IRAG1: variants seen among roughly 807,000 people sequenced by gnomAD.
IRAG1 encodes the protein inositol 1,4,5-triphosphate receptor associated 1.
IRAG1 carries 62 observed loss-of-function variants against 106.2 expected under a neutral mutation model. That is an observed-to-expected ratio of 0.58 (90% CI 0.48 to 0.72). The LOEUF (loss-of-function observed/expected upper bound fraction) is 0.72, where lower values mean the gene tolerates loss of function less well. Among genes scored for constraint, IRAG1 ranks in the 30% least tolerant of loss-of-function variants. The pLI, the probability that IRAG1 is intolerant of heterozygous loss-of-function variation, is 0.00. For missense variants in IRAG1, 1,064 were observed against 1,140.7 expected (o/e 0.93, Z 0.97); for synonymous variants, 462 against 443.9 (o/e 1.04, Z -0.51).
intron 1 of IRAG1, among the ~76,000 whole-genome samples, chr11:10,674,547 A>G (rs897651303): frequency 3.3e-5 from 5 of 152,118 alleles, no homozygotes; most frequent in Non-Finnish European, 7.4e-5. Flanking sequence ...GTGACCTATT[A>G]CAGCCACACC....
At chr11:10,666,548 C>T (rs111420978) in intron 1 of IRAG1, among the ~76,000 whole-genome samples, 1 of 152,208 alleles carries the variant, frequency 6.6e-6, no homozygotes, top group African/African-American at 2.4e-5. Flanking sequence ...ACCAGTTTGT[C>T]ATCGTGGAGA....
chr11:10,690,451 G>A, intron 1 of IRAG1: 1 of 1,268,942 alleles, frequency 7.9e-7, no homozygotes, highest in Non-Finnish European at 1.0e-6. Flanking sequence ...TGCAGAGAAG[G>A]CAGGGCTTGT....
intron 18 of IRAG1, among the ~76,000 whole-genome samples, chr11:10,583,956 G>A (rs1156674879): frequency 2.0e-5 from 3 of 152,062 alleles, no homozygotes; most frequent in Admixed American, 6.6e-5. Context: ...GAGGAGGGGT[G>A]TAAAAGAGTT....
At chr11:10,617,005 G>T in intron 10 of IRAG1, 3 of 983,544 alleles carry the variant, frequency 3.1e-6, no homozygotes, top group Non-Finnish European at 3.6e-6. Flanking sequence ...GTTCCTAAAA[G>T]TCAAAGCTGC....
At position 10,626,194 on chromosome 11, in the gene IRAG1, A is replaced by G. The variant is rs1856232794; in HGVS notation, c.1140T>C (p.Leu380=). 1.3e-6 allele frequency: 2 copies of G among 1,567,216 alleles called. No homozygotes were observed. The highest frequency in any genetic ancestry group is 1.7e-6 in the Non-Finnish European group (2 of 1,154,824). ...MGPEAGSKAE[L]PPTVSRPPLL... ...GCGGGGGCCGGGACACAGTGGGTGG[A>G]AGCTCAGCTTTGGAGCCAGCCTCGG... Residue 380 remains leucine (L), a synonymous_variant, in exon 9 of 21, where the codon CTT becomes CTC. Coordinates refer to ENST00000423302, the MANE Select transcript of IRAG1 (RefSeq NM_130385.4).
chr11:10,614,000 C>T (rs1055081946), intron 10 of IRAG1, among the ~76,000 whole-genome samples: 1 of 152,154 alleles, frequency 6.6e-6, no homozygotes, highest in Admixed American at 6.5e-5. Context: ...CCCTAAATCA[C>T]CCCAGGGCCA....
At chr11:10,600,729 C>A (rs372003600) in intron 15 of IRAG1, among the ~76,000 whole-genome samples, 189 bp downstream of exon 15, 2 of 152,220 alleles carry the variant, frequency 1.3e-5, no homozygotes, top group Admixed American at 6.5e-5. Flanking sequence ...GCTCATGTTT[C>A]CTGGTTCCAG....
At chr11:10,619,126 A>G (rs988592041) in intron 10 of IRAG1, among the ~76,000 whole-genome samples, 6 of 152,212 alleles carry the variant, frequency 3.9e-5, no homozygotes, top group African/African-American at 1.4e-4. Context: ...TCAGTCTCAC[A>G]TATTTGGCTT....
At chr11:10,690,558 C>T (rs1167580144) in intron 1 of IRAG1, among the ~76,000 whole-genome samples, 2 of 152,100 alleles carry the variant, frequency 1.3e-5, no homozygotes, top group African/African-American at 4.8e-5. Flanking sequence ...CAGAGTCTAG[C>T]CTCCAAGGTC....
At chr11:10,632,135 A>ATTCTTT (rs559160281) in intron 3 of IRAG1, 74 bp from the exon 4 acceptor site, 1 of 943,820 alleles carries the variant, frequency 1.1e-6, no homozygotes, top group Non-Finnish European at 1.7e-6. Context: ...ATGCCTGTAT[A>ATTCTTT]TTCTTTTTCT....
chr11:10,627,722 G>A lies in IRAG1; in HGVS notation c.744C>T (p.Gly248=), dbSNP rs781081738. 1.7e-5 allele frequency: 27 copies of A among 1,613,936 alleles called. No individual in the cohort carries two copies. The East Asian group carries it at 3.6e-4, about 21-fold the overall frequency. ...DEADVSSPHP[G]EPNVPKGLAD... ...GAGCAAAGCTCAAACTCACAGGCTC[G>A]CCAGGGTGAGGTGAAGAGACGTCGG... is the stretch of plus-strand genomic sequence containing the variant. Residue 248 remains glycine, a synonymous_variant, in exon 8 of 21, where the codon GGC becomes GGT. Transcript: ENST00000423302.
intron 11 of IRAG1, among the ~76,000 whole-genome samples, chr11:10,607,078 ATGTATGTATG>A (rs147688432): frequency 0.019 from 2,875 of 152,262 alleles, 100 homozygotes; most frequent in African/African-American, 0.066. Context: ...ATATGTACTC[ATGTATGTATG>A]TGTATGTGTT....
At chr11:10,662,390 C>A (rs991218530) in intron 1 of IRAG1, among the ~76,000 whole-genome samples, 2 of 152,202 alleles carry the variant, frequency 1.3e-5, no homozygotes, top group Admixed American at 6.5e-5. Flanking sequence ...GTCTTCTCTG[C>A]CACACAGATG....
intron 19 of IRAG1, among the ~76,000 whole-genome samples, chr11:10,581,468 G>A (rs1299856714): frequency 1.3e-5 from 2 of 152,048 alleles, no homozygotes; most frequent in Non-Finnish European, 2.9e-5. Context: ...AGGAAGGAGT[G>A]ACCAAAGCAG....
chr11:10,679,546 G>A (rs375924972), intron 1 of IRAG1, among the ~76,000 whole-genome samples: 4 of 152,236 alleles, frequency 2.6e-5, no homozygotes, highest in Admixed American at 1.3e-4. Context: ...GATTGAAGCC[G>A]TCAGAGCCCA....
intron 1 of IRAG1, among the ~76,000 whole-genome samples, chr11:10,690,670 C>T (rs906112149): frequency 5.9e-5 from 9 of 152,146 alleles, no homozygotes; most frequent in East Asian, 1.9e-4. Context: ...TACTAACTAG[C>T]GGCAGGGTGA....
rs1352828928 is a variant in IRAG1 at position 10,665,819 on chromosome 11, G to A, written c.68-13637C>T. Among the ~76,000 whole-genome samples, 2 of 152,204 alleles carry A rather than the reference G, an allele frequency of 1.3e-5. No homozygotes were observed. Among genetic ancestry groups the A allele is most frequent in the Non-Finnish European group, 2.9e-5 (2 of 68,030 alleles). On this transcript the variant is annotated intron_variant, in intron 1 of 20. Coordinates refer to ENST00000423302, the MANE Select transcript of IRAG1 (RefSeq NM_130385.4). The surrounding 1 kb of genome is among the most constrained non-coding windows in gnomAD (Gnocchi z 4.2). ...TCTGAGCTGAACTGCAGGATGGTGG[G>A]TGTGTACACAAGAAGACACGTGATA...
chr11:10,644,986 C>G (rs894436226), intron 2 of IRAG1, among the ~76,000 whole-genome samples: 4 of 152,154 alleles, frequency 2.6e-5, no homozygotes, highest in Non-Finnish European at 5.9e-5. Flanking sequence ...CAGCGCAGAA[C>G]AAGTCTCCTC....
At position 10,652,152 on chromosome 11, in the gene IRAG1, A is replaced by G. The variant is rs1420340688; in HGVS notation, c.98T>C (p.Phe33Ser). 5.0e-6 allele frequency: 8 copies of G among 1,613,636 alleles called. No individual in the cohort carries two copies. The highest frequency in any genetic ancestry group is 1.7e-6 in the Non-Finnish European group (2 of 1,179,850). Residue 33 changes from phenylalanine (F) to serine (S), a missense_variant, in exon 2 of 21, where the codon TTT becomes TCT. Transcript: ENST00000423302. ...ACGAQASWSI[F>S]GADAAEVPGT... ...CGGAACCTCCGCTGCGTCAGCCCCA[A>G]AGATGCTCCAAGAGGCCTGGGCTCC... is the stretch of plus-strand genomic sequence containing the variant.
Sources: gnomAD v4.1 joint callset for allele counts (sites outside exome capture counted in the v4.1 genomes callset) on GRCh38, gnomAD v4.1.1 for gene constraint, Gnocchi (gnomAD v3.1) non-coding constraint, MANE v1.5 for transcripts, NCBI Gene and HGNC (gene_info 2026-07-23, HGNC 2026-07-21) for gene names.